Variants in JMJD1C observed in about 807,000 individuals in gnomAD.
JMJD1C encodes the protein jumonji domain containing 1C, also known as jumonji domain-containing protein 1C.
Under a neutral mutation model 245.3 loss-of-function variants are expected in JMJD1C, and 31 were observed. The observed-to-expected ratio is 0.13, with a 90% CI of 0.09 to 0.17. The LOEUF (loss-of-function observed/expected upper bound fraction) is 0.17. JMJD1C is among the 10% of genes least tolerant of loss of function. JMJD1C has a pLI of 1.00. For missense variants in JMJD1C, 2,691 were observed against 3,000.2 expected, an observed-to-expected ratio of 0.90 and a Z score of 2.41; for synonymous variants, 1,057 against 1,017.4, an observed-to-expected ratio of 1.04 and a Z score of -0.74.
intron 1 of JMJD1C, among the ~76,000 whole-genome samples, chr10:63,414,661 G>T (rs1411338794): frequency 6.6e-6 from 1 of 152,056 alleles, no homozygotes; most frequent in Non-Finnish European, 1.5e-5. Context: ...GCTGAGGAGG[G>T]TGAATCACTT....
intron 2 of JMJD1C, among the ~76,000 whole-genome samples, chr10:63,290,363 G>A (rs1333394982): frequency 6.6e-6 from 1 of 152,076 alleles, no homozygotes; most frequent in Non-Finnish European, 1.5e-5. Context: ...GAGATCAGGA[G>A]TTCGAATCCA....
rs746786140 is a variant in JMJD1C, at chr10:63,213,867, C to G, written c.2300G>C (p.Gly767Ala). 6.8e-6 allele frequency: 11 copies of G among 1,613,858 alleles called. No individual in the cohort carries two copies. Among genetic ancestry groups the G allele is most frequent in the Admixed American group, 1.7e-5 (1 of 59,974 alleles). ...ALTPAPHLLAGSSSQTPLPTI... is the reference protein window; with the variant it reads ...ALTPAPHLLAASSSQTPLPTI... ...AGGTAATGGAGTTTGACTAGATGAT[C>G]CGGCTAGTAAATGGGGTGCAGGAGT... Residue 767 changes from glycine to alanine, a missense_variant, in exon 8 of 26, where the codon GGA (glycine) becomes GCA (alanine). This residue lies in a region of JMJD1C where 1,562 missense variants were observed against 1,490.7 expected (regional missense o/e 1.05). Transcript: ENST00000399262.
chr10:63,360,532 T>C (rs1271738508), intron 2 of JMJD1C, among the ~76,000 whole-genome samples: 1 of 152,216 alleles, frequency 6.6e-6, no homozygotes, highest in Admixed American at 6.5e-5. Context: ...CTTGCAGTCA[T>C]GCAGTAATTT....
At chr10:63,504,039 A>G (rs779660870) in intron 1 of JMJD1C, among the ~76,000 whole-genome samples, 1 of 152,160 alleles carries the variant, frequency 6.6e-6, no homozygotes, top group Non-Finnish European at 1.5e-5. Flanking sequence ...CCTTAAACTG[A>G]TCATTCTGTT....
At chr10:63,299,536 T>G (rs1859839849) in intron 2 of JMJD1C, among the ~76,000 whole-genome samples, 1 of 150,494 alleles carries the variant, frequency 6.6e-6, no homozygotes, top group Admixed American at 6.6e-5. Context: ...TTAAAAATGG[T>G]TAATTAACAA....
At chr10:63,376,582 A>C (rs1434857311) in intron 2 of JMJD1C, among the ~76,000 whole-genome samples, 1 of 152,230 alleles carries the variant, frequency 6.6e-6, no homozygotes, top group Non-Finnish European at 1.5e-5. Flanking sequence ...ACACCAAAAA[A>C]AACAAATGAT....
chr10:63,492,004 C>CT (rs2133220084), intron 1 of JMJD1C, among the ~76,000 whole-genome samples: 1 of 152,336 alleles, frequency 6.6e-6, no homozygotes, highest in African/African-American at 2.4e-5. Flanking sequence ...GAAACTTTTC[C>CT]TTTAAACAAC....
At chr10:63,351,240 A>G (rs980283995) in intron 2 of JMJD1C, among the ~76,000 whole-genome samples, 3 of 151,790 alleles carry the variant, frequency 2.0e-5, no homozygotes, top group African/African-American at 7.3e-5. Flanking sequence ...CACCACGCCC[A>G]GCTAATTTTG....
intron 2 of JMJD1C, among the ~76,000 whole-genome samples, chr10:63,368,973 C>G (rs1946077961): frequency 6.6e-6 from 1 of 152,008 alleles, no homozygotes; most frequent in Admixed American, 6.6e-5. Flanking sequence ...TCTTATAATA[C>G]TGATATTGAT....
At chr10:63,244,842 TAAAAG>T (rs1217181436) in intron 3 of JMJD1C, among the ~76,000 whole-genome samples, 3 of 147,580 alleles carry the variant, frequency 2.0e-5, no homozygotes, top group Non-Finnish European at 3.0e-5. Flanking sequence ...GGAGAACAAT[TAAAAG>T]AAATTAAGGC....
intron 3 of JMJD1C, among the ~76,000 whole-genome samples, chr10:63,229,832 G>C (rs188805029): frequency 1.3e-5 from 2 of 152,078 alleles, no homozygotes; most frequent in Admixed American, 1.3e-4. Context: ...TTTTTATTTA[G>C]AAACAAAACA....
At chr10:63,393,816 G>A (rs1354830712) in intron 1 of JMJD1C, among the ~76,000 whole-genome samples, 1 of 152,100 alleles carries the variant, frequency 6.6e-6, no homozygotes, top group African/African-American at 2.4e-5. Context: ...AAATAGAATT[G>A]CTAAATAATT....
At chr10:63,465,185 G>A (rs1462788698) in intron 1 of JMJD1C, 2 of 351,928 alleles carry the variant, frequency 5.7e-6, no homozygotes, top group East Asian at 4.8e-5. Context: ...TCCGCCTTTC[G>A]GGGAGGTCTC....
At chr10:63,388,395 A>G (rs746522764) in intron 1 of JMJD1C, among the ~76,000 whole-genome samples, 12 of 152,172 alleles carry the variant, frequency 7.9e-5, no homozygotes, top group Non-Finnish European at 1.5e-4. Flanking sequence ...GTTATCCTTC[A>G]TAAATGATGG....
chr10:63,275,501 G>C lies in JMJD1C; in HGVS notation c.334-10737C>G, dbSNP rs536519328. ...GAGGAAAAATCAATTCAACATAAAG[G>C]GTTTTTAAAGCTATGTTCAGAAAAA... On this transcript the variant is annotated intron_variant, in intron 2 of 25. Transcript: ENST00000399262. Among the ~76,000 whole-genome samples, 9 of 152,096 alleles carry C rather than the reference G, an allele frequency of 5.9e-5. No individual in the cohort carries two copies. The East Asian group carries it at 1.5e-3, about 26-fold the overall frequency.
intron 1 of JMJD1C, among the ~76,000 whole-genome samples, chr10:63,407,270 A>G (rs1001610916): frequency 6.6e-6 from 1 of 152,230 alleles, no homozygotes; most frequent in African/African-American, 2.4e-5. Context: ...TGGACCAAGA[A>G]GCATATTAAA....
rs1847660041 is a variant in JMJD1C at position 63,213,903 on chromosome 10, T to A, written c.2264A>T (p.His755Leu). The A allele has an allele frequency of 1.9e-6, 3 of 1,614,052 alleles. No individual in the cohort carries two copies. The East Asian group carries it at 6.7e-5, about 36-fold the overall frequency. The change falls in exon 8 of 26, where the codon CAT becomes CTT. Residue 755 changes from histidine to leucine, a missense_variant. By Grantham distance (99) the His-to-Leu change is moderately conservative. This residue lies in a region of JMJD1C where 1,562 missense variants were observed against 1,490.7 expected (regional missense o/e 1.05). Transcript: ENST00000399262. Reference protein sequence around the residue: ...HRTCLNPGTHHPALTPAPHLL... With the variant: ...HRTCLNPGTHLPALTPAPHLL... ...ATGGGGTGCAGGAGTTAAGGCAGGA[T>A]GATGGGTACCTGGATTTAAACAGGT... is the stretch of plus-strand genomic sequence containing the variant.
intron 1 of JMJD1C, among the ~76,000 whole-genome samples, chr10:63,508,559 A>G (rs1477042908): frequency 2.6e-5 from 4 of 152,198 alleles, no homozygotes; most frequent in Non-Finnish European, 5.9e-5. Flanking sequence ...GAATCTATAG[A>G]TCAAGTTGGG....
intron 2 of JMJD1C, among the ~76,000 whole-genome samples, chr10:63,300,934 A>G (rs956632611): frequency 6.6e-6 from 1 of 152,144 alleles, no homozygotes; most frequent in Non-Finnish European, 1.5e-5. Context: ...CCATCTATAA[A>G]TGTTGAATAT....
Sources: gnomAD v4.1 joint callset for allele counts (sites outside exome capture counted in the v4.1 genomes callset) on GRCh38, gnomAD v4.1.1 for gene constraint, gnomAD v4.1.1 regional missense constraint, MANE v1.5 for transcripts, NCBI Gene and HGNC (gene_info 2026-07-23, HGNC 2026-07-21) for gene names.